The following RASA2 variants were observed in gnomAD, a reference collection of about 807,000 sequenced individuals.
RASA2 encodes the protein RAS p21 protein activator 2.
RASA2 carries 155 observed loss-of-function variants against 118.2 expected under a neutral mutation model. The observed-to-expected ratio is 1.31, with a 90% CI of 1.15 to 1.50. The LOEUF is 1.50. Among genes scored for constraint, RASA2 ranks in the 40% most tolerant of loss-of-function variants. The pLI is 0.00. For missense variants in RASA2, 1,016 were observed against 1,009.6 expected (o/e 1.01, Z -0.09); for synonymous variants, 353 against 349.1 (o/e 1.01, Z -0.12).
rs1013114133 is a variant in RASA2, at chr3:141,570,983, A to C, written c.935A>C (p.Asn312Thr). Residue 312 changes from asparagine (N) to threonine (T), a missense_variant, in exon 10 of 24, where the codon AAT becomes ACT. Coordinates refer to ENST00000286364, the MANE Select transcript of RASA2 (RefSeq NM_006506.5). The stretch of plus-strand genomic sequence containing the variant: ...GATGACCTGGGGTCTCTTCGATTAA[A>C]TATATGTTATACAGAAGACTACGTG... ...KTDDLGSLRL[N>T]ICYTEDYVLP... 1 of 1,612,798 alleles carries C rather than the reference A, an allele frequency of 6.2e-7. No homozygotes were observed. The highest frequency in any genetic ancestry group is 1.3e-5 in the African/African-American group (1 of 74,996).
chr3:141,562,155 T>A (rs1008518673), intron 9 of RASA2, among the ~76,000 whole-genome samples: 1 of 151,642 alleles, frequency 6.6e-6, no homozygotes, highest in Non-Finnish European at 1.5e-5. Flanking sequence ...GTTTTAACTA[T>A]GTTGGCCAGG....
At chr3:141,488,335 A>G (rs938205380) in intron 1 of RASA2, among the ~76,000 whole-genome samples, 3 of 152,166 alleles carry the variant, frequency 2.0e-5, no homozygotes, top group African/African-American at 7.2e-5. Flanking sequence ...ACCCTCAATT[A>G]TGAGGGCGTA....
intron 21 of RASA2, among the ~76,000 whole-genome samples, chr3:141,609,037 A>G (rs2107802221): frequency 6.6e-6 from 1 of 152,300 alleles, no homozygotes; most frequent in South Asian, 2.1e-4. Flanking sequence ...GCACAAGTTA[A>G]AAAATTTTAA....
chr3:141,570,784 T>C (rs888951030), intron 9 of RASA2, 128 bp from the exon 10 acceptor site: 1 of 783,754 alleles, frequency 1.3e-6, no homozygotes, highest in Non-Finnish European at 2.0e-6. Flanking sequence ...CTGCTACTTA[T>C]GAAGCTTCCT....
At chr3:141,604,632 T>C (rs549190223) in intron 19 of RASA2, among the ~76,000 whole-genome samples, 1 of 152,308 alleles carries the variant, frequency 6.6e-6, no homozygotes, top group East Asian at 1.9e-4. Flanking sequence ...CACTATTTTT[T>C]GTATAACACA....
intron 5 of RASA2, among the ~76,000 whole-genome samples, chr3:141,544,382 G>A (rs183703201): frequency 1.5e-4 from 23 of 152,208 alleles, no homozygotes; most frequent in Admixed American, 1.4e-3. Context: ...AACGCCAGTG[G>A]CACAAATGTT....
intron 1 of RASA2, among the ~76,000 whole-genome samples, chr3:141,489,989 G>A (rs999239349): frequency 2.0e-5 from 3 of 150,558 alleles, no homozygotes; most frequent in African/African-American, 7.3e-5. Flanking sequence ...TTTGCCGGGG[G>A]GCTGGGGAGG....
chr3:141,590,800 A>G (rs1397190371), intron 19 of RASA2, among the ~76,000 whole-genome samples: 2 of 152,218 alleles, frequency 1.3e-5, no homozygotes, highest in African/African-American at 4.8e-5. Flanking sequence ...TTAGTGTCAA[A>G]TAATATGCAT....
intron 4 of RASA2, among the ~76,000 whole-genome samples, chr3:141,536,226 A>C (rs2082323214): frequency 6.6e-6 from 1 of 152,228 alleles, no homozygotes; most frequent in African/African-American, 2.4e-5. Flanking sequence ...GGTGAAAGGC[A>C]CTTCTTACAT....
At chr3:141,579,112 A>G (rs1334900606) in intron 15 of RASA2, among the ~76,000 whole-genome samples, 3 of 152,136 alleles carry the variant, frequency 2.0e-5, no homozygotes, top group East Asian at 1.9e-4. Flanking sequence ...CCTGTTTTCA[A>G]TGTGGGGGTT....
intron 9 of RASA2, among the ~76,000 whole-genome samples, chr3:141,562,330 A>G (rs1235056402): frequency 3.3e-5 from 5 of 151,272 alleles, no homozygotes; most frequent in African/African-American, 1.2e-4. Context: ...AAAAAAAAAA[A>G]AAAAAGAAAT....
chr3:141,591,829 T>C (rs1182665020), intron 19 of RASA2, among the ~76,000 whole-genome samples: 1 of 151,818 alleles, frequency 6.6e-6, no homozygotes, highest in Non-Finnish European at 1.5e-5. Context: ...TTCAATACAC[T>C]GAAGTTGACA....
chr3:141,543,066 A>AT (rs2082429169), intron 5 of RASA2, among the ~76,000 whole-genome samples: 1 of 151,814 alleles, frequency 6.6e-6, no homozygotes, highest in East Asian at 1.9e-4. Flanking sequence ...TAAATATGCC[A>AT]TTTTTTGTTT....
intron 7 of RASA2, among the ~76,000 whole-genome samples, chr3:141,556,806 T>C (rs746175619): frequency 2.0e-5 from 3 of 152,026 alleles, no homozygotes; most frequent in Non-Finnish European, 4.4e-5. Context: ...CCTCTAGTCA[T>C]GCCTGATTGC....
At chr3:141,590,142 G>A (rs773662179) in intron 19 of RASA2, 7 of 456,360 alleles carry the variant, frequency 1.5e-5, no homozygotes, top group Non-Finnish European at 2.6e-5. Context: ...TTCATTGAAC[G>A]TAAGTTAACA....
chr3:141,549,472 A>AGTGTGTGTGC (rs1553790597), intron 5 of RASA2, among the ~76,000 whole-genome samples: 114 of 134,840 alleles, frequency 8.5e-4, no homozygotes, highest in African/African-American at 3.1e-3. Flanking sequence ...AGTGTGTATG[A>AGTGTGTGTGC]GTGTGTGTGT....
intron 4 of RASA2, among the ~76,000 whole-genome samples, chr3:141,531,715 T>C (rs1472875581): frequency 6.6e-6 from 1 of 152,050 alleles, no homozygotes; most frequent in Non-Finnish European, 1.5e-5. Context: ...TTGTCTTAAA[T>C]GATACTTACT....
At chr3:141,518,974 C>T (rs542186519) in intron 3 of RASA2, among the ~76,000 whole-genome samples, 1 of 152,200 alleles carries the variant, frequency 6.6e-6, no homozygotes, top group Admixed American at 6.5e-5. Context: ...TAACCACATC[C>T]TTGTTGGTGA....
intron 1 of RASA2, among the ~76,000 whole-genome samples, chr3:141,511,004 C>G (rs2081942897): frequency 6.6e-6 from 1 of 152,086 alleles, no homozygotes; most frequent in African/African-American, 2.4e-5. Flanking sequence ...TTAGGCAACT[C>G]TCATGTTTGT....
Sources: allele counts gnomAD v4.1 joint callset (sites outside exome capture counted in the v4.1 genomes callset), GRCh38; gene constraint gnomAD v4.1.1; transcripts MANE v1.5; gene names NCBI Gene and HGNC (gene_info 2026-07-23, HGNC 2026-07-21).